LAYN: variants seen among roughly 807,000 people sequenced by gnomAD.
The protein encoded by LAYN is layilin.
Under a neutral mutation model 43.6 loss-of-function variants are expected in LAYN, and 38 were observed. The observed-to-expected ratio is 0.87, with a 90% confidence interval of 0.67 to 1.14. The LOEUF is 1.14. LAYN is among the 50% of genes most tolerant of loss of function. The pLI, the probability that LAYN is intolerant of heterozygous loss-of-function variation, is 0.00. For synonymous variants in LAYN, 168 were observed against 172.9 expected (o/e 0.97, Z 0.22); for missense variants, 479 against 463.8 (o/e 1.03, Z -0.30).
intron 2 of LAYN, among the ~76,000 whole-genome samples, chr11:111,546,449 A>G (rs1012847001): frequency 3.3e-5 from 5 of 152,194 alleles, no homozygotes; most frequent in African/African-American, 1.2e-4. Context: ...GGTCTCTTTC[A>G]AGGCCACCTC....
chr11:111,557,196 C>T (rs1056041025), intron 5 of LAYN, among the ~76,000 whole-genome samples: 1 of 151,814 alleles, frequency 6.6e-6, no homozygotes, highest in Non-Finnish European at 1.5e-5. Context: ...AAACAAAAAG[C>T]TTAATTAACA....
At chr11:111,552,103 A>C (rs1867754659) in intron 3 of LAYN, among the ~76,000 whole-genome samples, 1 of 152,154 alleles carries the variant, frequency 6.6e-6, no homozygotes, top group Non-Finnish European at 1.5e-5. Flanking sequence ...AAAGAGGGAG[A>C]ATAATTAAGT....
At position 111,560,411 on chromosome 11, in the gene LAYN, A is replaced by T; in HGVS notation, c.1078A>T (p.Arg360Trp). The T allele has an allele frequency of 1.2e-6, 2 of 1,614,102 alleles. No individual in the cohort carries two copies. ...IYEFSPDQMG[R>W]SKESGWVENE... ...TGAGTTCTCCCCAGACCAAATGGGG[A>T]GGAGTAAGGAGTCTGGATGGGTGGA... The change falls in exon 7 of 7, where the codon AGG becomes TGG. Residue 360 changes from arginine (R) to tryptophan (W), a missense_variant. Arg to Trp is a moderately radical substitution (Grantham distance 101). Transcript: ENST00000375614.
rs1004193115 is a variant in LAYN, at chr11:111,561,735, A to G, written c.*1277A>G. On this transcript the variant is annotated 3_prime_UTR_variant, in exon 7 of 7. Transcript: ENST00000375614. ...ACTTTGCTTCACATATGGAGCCCCA[A>G]CCTCTAGAGTTAACTAGTCTGGGTC... 14 of 152,120 alleles carry G rather than the reference A, an allele frequency of 9.2e-5. No homozygotes were observed. The highest frequency in any genetic ancestry group is 1.9e-4 in the African/African-American group (8 of 41,412). 9.4% of individuals were successfully genotyped at this position (152,120 alleles called of 1,614,324 possible).
At chr11:111,549,114 C>G (rs1430525032) in intron 2 of LAYN, among the ~76,000 whole-genome samples, 1 of 152,202 alleles carries the variant, frequency 6.6e-6, no homozygotes, top group Non-Finnish European at 1.5e-5. Flanking sequence ...TTGACAGCCT[C>G]TATGTTTGGA....
In LAYN at chr11:111,551,430, A is replaced by C. The variant is rs1314434612; in HGVS notation, c.541+1655A>C. ...GGCACAGAGGACAGAGAATGGATCC[A>C]ACAGAGGGAGGTGGGCACATGGAGA... is the stretch of plus-strand genomic sequence containing the variant. On this transcript the variant is annotated intron_variant, in intron 3 of 6. Transcript: ENST00000375614. 8.8e-6 allele frequency: 4 copies of C among 456,146 alleles called. No individual in the cohort carries two copies. The Admixed American group carries it at 9.4e-5, about 11-fold the overall frequency. The allele number at this position is 456,146 out of a possible 1,614,324, so 28.3% of individuals were successfully genotyped here.
At chr11:111,548,463 G>A (rs929718024) in intron 2 of LAYN, among the ~76,000 whole-genome samples, 6 of 152,282 alleles carry the variant, frequency 3.9e-5, no homozygotes, top group African/African-American at 1.2e-4. Context: ...GGCAAGTCAG[G>A]GTAGGAGGCC....
At position 111,558,483 on chromosome 11, in the gene LAYN, G is replaced by A. The variant is rs553245378; in HGVS notation, c.761+840G>A. ...ATAAGTATATACTAAGCACTTGAAT[G>A]TTACCTATTATTGGGATTATTTTAT... On this transcript the variant is annotated intron_variant, in intron 6 of 6. Transcript: ENST00000375614. 1.6e-3 allele frequency among the ~76,000 whole-genome samples: 243 copies of A among 152,192 alleles called. 2 individuals carry two copies. Among genetic ancestry groups the A allele is most frequent in the African/African-American group, 5.6e-3 (233 of 41,536 alleles).
Position 111,560,104 on chromosome 11 carries a change from G to A in LAYN, c.771G>A (p.Glu257=). 1 of 1,598,422 alleles carries A rather than the reference G, an allele frequency of 6.3e-7. No individual in the cohort carries two copies. Among genetic ancestry groups the A allele is most frequent in the Non-Finnish European group, 8.5e-7 (1 of 1,172,190 alleles). Residue 257 remains glutamate, a synonymous_variant, in exon 7 of 7, where the codon GAG becomes GAA. Transcript: ENST00000375614. ...TTTTCTTTCTTCCTAGAAAACGGGAGCAGCCAGACCCTAGCACAAAGAAGC... is the reference window on the plus strand; with the variant it reads ...TTTTCTTTCTTCCTAGAAAACGGGAACAGCCAGACCCTAGCACAAAGAAGC... ...WVWICRKRKR[E]QPDPSTKKQH...
At chr11:111,550,900 C>A (rs1051872362) in intron 3 of LAYN, among the ~76,000 whole-genome samples, 3 of 152,066 alleles carry the variant, frequency 2.0e-5, no homozygotes, top group African/African-American at 7.2e-5. Flanking sequence ...CTTTAATATC[C>A]TTTTATTTTG....
intron 5 of LAYN, among the ~76,000 whole-genome samples, chr11:111,555,935 A>G (rs1867831458): frequency 6.6e-6 from 1 of 152,218 alleles, no homozygotes; most frequent in Admixed American, 6.5e-5. Context: ...GGATATTGCA[A>G]TAGTGCAGTT....
Position 111,560,157 on chromosome 11 carries a change from A to G in LAYN, c.824A>G (p.Gln275Arg). ...KQHTIWPSPH[Q>R]GNSPDLEVYN... ...CACACCATCTGGCCCTCTCCTCACC[A>G]GGGAAACAGCCCGGACCTAGAGGTC... The change falls in exon 7 of 7, where the codon CAG becomes CGG. Residue 275 changes from glutamine (Q) to arginine (R), a missense_variant. Coordinates refer to ENST00000375614, the MANE Select transcript of LAYN (RefSeq NM_178834.5). The G allele has an allele frequency of 6.2e-7, 1 of 1,614,212 alleles. No individual in the cohort carries two copies. Among genetic ancestry groups the G allele is most frequent in the Non-Finnish European group, 8.5e-7 (1 of 1,180,016 alleles).
chr11:111,557,600 G>T lies in LAYN; in HGVS notation c.718G>T (p.Val240Leu), dbSNP rs773355125. Residue 240 changes from valine (V) to leucine (L), a missense_variant, in exon 6 of 7, where the codon GTG becomes TTG. Physicochemically the swap from Val to Leu is conservative, Grantham distance 32 (BLOSUM62 1). Transcript: ENST00000375614. ...CAGCATTCCCCTTCTCCTCCTCCTT[G>T]TGGTCACCACAGTTGTATGTTGGGT... is the stretch of plus-strand genomic sequence containing the variant. ...IPSIPLLLLL[V>L]VTTVVCWVWI... The T allele has an allele frequency of 7.4e-6, 12 of 1,614,100 alleles. No homozygotes were observed. The highest frequency in any genetic ancestry group is 3.3e-5 in the Admixed American group (2 of 60,012).
chr11:111,553,884 A>C (rs1867787488), intron 3 of LAYN, among the ~76,000 whole-genome samples: 1 of 152,164 alleles, frequency 6.6e-6, no homozygotes, highest in African/African-American at 2.4e-5. Context: ...ACACCAGAGC[A>C]TCTGATTGGC....
intron 6 of LAYN, 127 bp from the exon 7 acceptor site, chr11:111,559,968 G>C: frequency 9.0e-7 from 1 of 1,113,784 alleles, no homozygotes; most frequent in South Asian, 1.6e-5. Context: ...TGGCCTGTAA[G>C]TTACATAGAC....
intron 1 of LAYN, 100 bp downstream of exon 1, chr11:111,541,028 G>A: frequency 1.1e-5 from 12 of 1,103,300 alleles, no homozygotes; most frequent in East Asian, 2.7e-5. Context: ...GGGACTAGAA[G>A]GCCGTCCCAT....
chr11:111,543,081 G>A (rs1867577804), intron 1 of LAYN, among the ~76,000 whole-genome samples: 1 of 152,136 alleles, frequency 6.6e-6, no homozygotes, highest in Non-Finnish European at 1.5e-5. Context: ...CATGAGCCTG[G>A]GGTGCAGCGG....
intron 6 of LAYN, 26 bp downstream of exon 6, chr11:111,557,669 C>G (rs376913621): frequency 6.5e-7 from 1 of 1,533,974 alleles, no homozygotes; most frequent in Non-Finnish European, 9.0e-7. Context: ...ATTGTGTAAA[C>G]CTTTGCATCT....
intron 1 of LAYN, 21 bp downstream of exon 1, chr11:111,540,949 G>GGGGGCTGGTGCC: frequency 6.5e-7 from 1 of 1,527,090 alleles, no homozygotes; most frequent in Non-Finnish European, 8.8e-7. Flanking sequence ...GCGCTGGGGC[G>GGGGGCTGGTGCC]GGGGCTGGTG....
Sources: allele counts gnomAD v4.1 joint callset (sites outside exome capture counted in the v4.1 genomes callset), GRCh38; gene constraint gnomAD v4.1.1; transcripts MANE v1.5; gene names NCBI Gene and HGNC (gene_info 2026-07-23, HGNC 2026-07-21).